ALDH6A1: variants seen among roughly 807,000 people sequenced by gnomAD.
ALDH6A1 encodes the protein methylmalonate-semialdehyde/malonate-semialdehyde dehydrogenase [acylating], mitochondrial.
In ALDH6A1, 43 loss-of-function variants were observed where a neutral mutation model predicts 62.6. That is an observed-to-expected ratio of 0.69 (90% confidence interval 0.54 to 0.89). The LOEUF (loss-of-function observed/expected upper bound fraction) is 0.89, where lower values mean the gene tolerates loss of function less well. ALDH6A1 is among the 40% of genes least tolerant of loss of function. The probability of loss-of-function intolerance (pLI) is 0.00; values close to 1 mark genes in which losing one functional copy is unlikely to be tolerated. For synonymous variants in ALDH6A1, 194 were observed against 234.2 expected (o/e 0.83, Z 1.57); for missense variants, 551 against 661.3 (o/e 0.83, Z 1.83).
In ALDH6A1 at chr14:74,067,478, T is replaced by C; in HGVS notation, c.944A>G (p.Gln315Arg). The C allele has an allele frequency of 1.9e-6, 3 of 1,614,210 alleles. No homozygotes were observed. Among genetic ancestry groups the C allele is most frequent in the South Asian group, 2.2e-5 (2 of 91,090 alleles). The stretch of plus-strand genomic sequence containing the variant: ...TGCTGTTGAAAGAGCCATGCAGCGC[T>C]GACCAGCAGCTCCAAATGCTGCCCC... ...LVGAAFGAAG[Q>R]RCMALSTAVL... The change falls in exon 8 of 12, where the codon CAG becomes CGG. Residue 315 changes from glutamine (Q) to arginine (R), a missense_variant. Coordinates refer to ENST00000553458, the MANE Select transcript of ALDH6A1 (RefSeq NM_005589.4).
At chr14:74,067,273 G>A (rs142736985) in intron 8 of ALDH6A1, 107 bp downstream of exon 8, 14 of 1,288,262 alleles carry the variant, frequency 1.1e-5, no homozygotes, top group Non-Finnish European at 1.5e-5. Context: ...GAGAGGAAAT[G>A]GCAAGAATAG....
intron 11 of ALDH6A1, among the ~76,000 whole-genome samples, chr14:74,061,311 A>ATTTG: frequency 7.2e-6 from 1 of 139,804 alleles, no homozygotes; most frequent in Non-Finnish European, 1.6e-5. Context: ...TTATTTATTT[A>ATTTG]TTTATTTTGA....
Position 74,069,101 on chromosome 14 carries a change from CTTTTTTTTTTT to C in ALDH6A1, c.731-131_731-121del, listed in dbSNP as rs900873855. ...TTCCTGTGTTTTTCTTTTACTTTTT[CTTTTTTTTTTT>C]TTTTTTTTTTGAGACGGAGTCTCGC... is the stretch of plus-strand genomic sequence containing the variant. On this transcript the variant is annotated intron_variant, in intron 6 of 11. Transcript: ENST00000553458. 61 of 461,988 alleles carry C rather than the reference CTTTTTTTTTTT, an allele frequency of 1.3e-4. 1 individual carries two copies. The highest frequency in any genetic ancestry group is 1.8e-4 in the Non-Finnish European group (56 of 304,248). The allele number at this position is 461,988 out of a possible 1,614,324, so 28.6% of individuals were successfully genotyped here. A position where few individuals can be genotyped will look rare whatever the true frequency, so the allele number is the denominator to read the frequency against.
intron 1 of ALDH6A1, among the ~76,000 whole-genome samples, chr14:74,076,116 T>A (rs1164620804): frequency 2.0e-5 from 3 of 152,234 alleles, no homozygotes; most frequent in African/African-American, 7.2e-5. Flanking sequence ...TTATGTTGAT[T>A]GTGATGCTAT....
At position 74,071,509 on chromosome 14, in the gene ALDH6A1, A is replaced by C; in HGVS notation, c.428-12T>G. ...ATGCTCAACCACCTCTGGAACACAG[A>C]AGTCAGGCCATCAGCTCTCCACACT... On this transcript the variant is annotated splice_polypyrimidine_tract_variant and intron_variant, in intron 5 of 11. Transcript: ENST00000553458. 6.2e-7 allele frequency: 1 copy of C among 1,613,454 alleles called. No individual in the cohort carries two copies. Among genetic ancestry groups the C allele is most frequent in the African/African-American group, 1.3e-5 (1 of 74,992 alleles).
At chr14:74,075,142 A>T in intron 1 of ALDH6A1, 125 bp from the exon 2 acceptor site, 8 of 788,996 alleles carry the variant, frequency 1.0e-5, no homozygotes, top group Non-Finnish European at 1.7e-5. Flanking sequence ...AAGGCCATAC[A>T]GTCATTAAAG....
chr14:74,069,052 C>T, intron 6 of ALDH6A1, 71 bp from the exon 7 acceptor site: 1 of 1,513,600 alleles, frequency 6.6e-7, no homozygotes. Flanking sequence ...TTTCCCCTTT[C>T]CCCACTGCTA....
intron 8 of ALDH6A1, 44 bp from the exon 9 acceptor site, chr14:74,066,930 A>T (rs1467691140): frequency 6.4e-7 from 1 of 1,570,236 alleles, no homozygotes; most frequent in Non-Finnish European, 8.8e-7. Context: ...ATTAACATAA[A>T]TTATGACTGC....
chr14:74,065,032 C>A, intron 10 of ALDH6A1, 112 bp from the exon 11 acceptor site: 1 of 1,370,050 alleles, frequency 7.3e-7, no homozygotes, highest in East Asian at 2.5e-5. Context: ...CTATCCTCTA[C>A]CCCATGAACT....
At chr14:74,074,636 A>T (rs1360923053) in intron 2 of ALDH6A1, among the ~76,000 whole-genome samples, 4 of 152,184 alleles carry the variant, frequency 2.6e-5, no homozygotes, top group Non-Finnish European at 1.5e-5. Flanking sequence ...CTGTGTAGAA[A>T]GAATTTGAGC....
intron 11 of ALDH6A1, among the ~76,000 whole-genome samples, chr14:74,061,270 GC>G (rs1566824802): frequency 6.6e-6 from 1 of 151,148 alleles, no homozygotes; most frequent in Non-Finnish European, 1.5e-5. Flanking sequence ...GAGCCACCGT[GC>G]CCCCAGCTAT....
At position 74,057,648 on chromosome 14, in the gene ALDH6A1, T is replaced by G. The variant is rs114251476; in HGVS notation, c.*2994A>C. The G allele has an allele frequency of 0.01, 13,515 of 1,330,040 alleles. 384 individuals carry two copies. Among genetic ancestry groups the G allele is most frequent in the African/African-American group, 0.096 (6,426 of 66,620 alleles). The allele number at this position is 1,330,040 out of a possible 1,614,324, so 82.4% of individuals were successfully genotyped here. On this transcript the variant is annotated 3_prime_UTR_variant, in exon 12 of 12. Coordinates refer to ENST00000553458, the MANE Select transcript of ALDH6A1 (RefSeq NM_005589.4). ...GGCTTATAAGGAGATATGAAATGAT[T>G]TTTTTAAGCCAAGTTTTTCTCTTTA... is the stretch of plus-strand genomic sequence containing the variant.
intron 6 of ALDH6A1, among the ~76,000 whole-genome samples, chr14:74,070,518 CA>C (rs537782352): frequency 6.6e-6 from 1 of 151,496 alleles, no homozygotes; most frequent in Non-Finnish European, 1.5e-5. Flanking sequence ...GACTCCATCT[CA>C]AAAAAAAGAA....
At chr14:74,067,320 A>G in intron 8 of ALDH6A1, 60 bp downstream of exon 8, 1 of 1,594,176 alleles carries the variant, frequency 6.3e-7, no homozygotes, top group Non-Finnish European at 8.6e-7. Context: ...CAGTGACAGA[A>G]CCCAAGAGCT....
At chr14:74,076,788 G>T (rs2060618011) in intron 1 of ALDH6A1, among the ~76,000 whole-genome samples, 2 of 152,096 alleles carry the variant, frequency 1.3e-5, no homozygotes, top group Non-Finnish European at 2.9e-5. Context: ...GACCTCAGGT[G>T]ATCCACCCGC....
chr14:74,082,210 T>C (rs537456499), intron 1 of ALDH6A1, among the ~76,000 whole-genome samples: 1 of 152,206 alleles, frequency 6.6e-6, no homozygotes, highest in African/African-American at 2.4e-5. Context: ...GTCTCGAACA[T>C]TCCTTTATCT....
chr14:74,079,393 T>A (rs2139814841), intron 1 of ALDH6A1, among the ~76,000 whole-genome samples: 1 of 151,632 alleles, frequency 6.6e-6, no homozygotes, highest in South Asian at 2.1e-4. Context: ...ATTACAGGCA[T>A]ATGCCACCAC....
chr14:74,072,248 G>C lies in ALDH6A1; in HGVS notation c.303C>G (p.Arg101=). Residue 101 remains arginine, a synonymous_variant, in exon 4 of 12, where the codon CGC becomes CGG. Coordinates refer to ENST00000553458, the MANE Select transcript of ALDH6A1 (RefSeq NM_005589.4). ...PAWADTSVLS[R]QQVLLRYQQL... ...GTTGATAGCGGAGCAAGACCTGCTG[G>C]CGGCTTAATACTGAAGTGTCTGCCC... 6.2e-7 allele frequency: 1 copy of C among 1,614,228 alleles called. No individual in the cohort carries two copies. The highest frequency in any genetic ancestry group is 8.5e-7 in the Non-Finnish European group (1 of 1,180,042).
At position 74,072,127 on chromosome 14, in the gene ALDH6A1, C is replaced by T. The variant is rs574949652; in HGVS notation, c.348+76G>A. 1.1e-5 allele frequency: 18 copies of T among 1,607,572 alleles called. No homozygotes were observed. The East Asian group carries it at 3.6e-4, about 32-fold the overall frequency. On this transcript the variant is annotated intron_variant, in intron 4 of 11. Coordinates refer to ENST00000553458, the MANE Select transcript of ALDH6A1 (RefSeq NM_005589.4). ...CATACTGCAGAGTAAGGGAGGGTGGCTGAAAAGGTCTCTGTGAGAGTGACA... is the reference window on the plus strand; with the variant it reads ...CATACTGCAGAGTAAGGGAGGGTGGTTGAAAAGGTCTCTGTGAGAGTGACA...
Sources: gnomAD v4.1 joint callset for allele counts (sites outside exome capture counted in the v4.1 genomes callset) on GRCh38, gnomAD v4.1.1 for gene constraint, MANE v1.5 for transcripts, NCBI Gene and HGNC (gene_info 2026-07-23, HGNC 2026-07-21) for gene names.